SFMBT2: variants seen among roughly 807,000 people sequenced by gnomAD.
SFMBT2 encodes Scm like with four mbt domains 2, also known as scm-like with four MBT domains protein 2.
A neutral mutation model predicts 110.1 loss-of-function variants in SFMBT2; 38 were observed. The observed-to-expected ratio is 0.35, with a 90% CI of 0.27 to 0.45. The LOEUF (loss-of-function observed/expected upper bound fraction) is 0.45. Among genes scored for constraint, SFMBT2 ranks in the 20% least tolerant of loss-of-function variants. The probability of loss-of-function intolerance (pLI) is 1.00; values close to 1 mark genes in which losing one functional copy is unlikely to be tolerated. For missense variants in SFMBT2, 1,011 were observed against 1,094.9 expected (o/e 0.92, Z 1.08); for synonymous variants, 425 against 425.4 (o/e 1.00, Z 0.01).
At chr10:7,305,405 TACC>T (rs1842664556) in intron 4 of SFMBT2, among the ~76,000 whole-genome samples, 1 of 152,226 alleles carries the variant, frequency 6.6e-6, no homozygotes, top group African/African-American at 2.4e-5. Flanking sequence ...ATTAATTAAG[TACC>T]TGTGGGTCCT....
At chr10:7,376,854 C>CAAAAAAA (rs112996489) in intron 2 of SFMBT2, among the ~76,000 whole-genome samples, 1 of 123,612 alleles carries the variant, frequency 8.1e-6, no homozygotes, top group Admixed American at 8.5e-5. Context: ...TGGACAGTGG[C>CAAAAAAA]AAAAAAAAAA....
At chr10:7,365,286 T>C (rs1164740122) in intron 4 of SFMBT2, among the ~76,000 whole-genome samples, 1 of 152,234 alleles carries the variant, frequency 6.6e-6, no homozygotes, top group Non-Finnish European at 1.5e-5. Context: ...ACAGCACTAC[T>C]GGCAGCTCAA....
intron 3 of SFMBT2, among the ~76,000 whole-genome samples, chr10:7,368,545 G>A (rs1319689323): frequency 6.6e-6 from 1 of 152,192 alleles, no homozygotes; most frequent in Admixed American, 6.5e-5. Flanking sequence ...CCTGGCATAC[G>A]GACCTGGGGA....
chr10:7,233,509 T>C (rs966856647), intron 9 of SFMBT2, among the ~76,000 whole-genome samples: 4 of 152,296 alleles, frequency 2.6e-5, no homozygotes. Flanking sequence ...CATGTGTAAA[T>C]AGCAAGCTTA....
chr10:7,262,867 G>T (rs1841252125), intron 7 of SFMBT2, among the ~76,000 whole-genome samples: 1 of 152,096 alleles, frequency 6.6e-6, no homozygotes, highest in Non-Finnish European at 1.5e-5. Context: ...GAATTCATGT[G>T]CTTCAGTTCA....
chr10:7,351,122 G>T (rs1447853205), intron 4 of SFMBT2, among the ~76,000 whole-genome samples: 2 of 152,100 alleles, frequency 1.3e-5, no homozygotes, highest in African/African-American at 4.8e-5. Flanking sequence ...ACATGTGCTG[G>T]GCTTCAAAAT....
At chr10:7,177,666 A>G (rs1430869859) in intron 16 of SFMBT2, among the ~76,000 whole-genome samples, 1 of 152,068 alleles carries the variant, frequency 6.6e-6, no homozygotes, top group Admixed American at 6.5e-5. Context: ...GAGGTTTAAG[A>G]CCAGACTGAG....
intron 4 of SFMBT2, among the ~76,000 whole-genome samples, chr10:7,296,018 T>C (rs147876143): frequency 6.6e-6 from 1 of 152,298 alleles, no homozygotes; most frequent in Non-Finnish European, 1.5e-5. Flanking sequence ...TTTACGACTT[T>C]CTCAAAGCAC....
chr10:7,309,564 C>A (rs1269883440), intron 4 of SFMBT2, among the ~76,000 whole-genome samples: 2 of 152,168 alleles, frequency 1.3e-5, no homozygotes, highest in Non-Finnish European at 2.9e-5. Context: ...AGCTGTCTGT[C>A]CCTCACATTG....
At chr10:7,257,895 G>A (rs1312362524) in intron 7 of SFMBT2, among the ~76,000 whole-genome samples, 1 of 152,122 alleles carries the variant, frequency 6.6e-6, no homozygotes, top group Admixed American at 6.5e-5. Context: ...GGATTTTCAT[G>A]TAAAAACAAA....
chr10:7,174,213 C>G (rs1022542479), intron 17 of SFMBT2, among the ~76,000 whole-genome samples: 1 of 152,194 alleles, frequency 6.6e-6, no homozygotes, highest in Non-Finnish European at 1.5e-5. Context: ...CCGTGTTACT[C>G]AGTGAGCAGG....
At chr10:7,281,035 G>T (rs2131834984) in intron 6 of SFMBT2, among the ~76,000 whole-genome samples, 1 of 152,298 alleles carries the variant, frequency 6.6e-6, no homozygotes, top group Non-Finnish European at 1.5e-5. Context: ...GAGCTCAGGA[G>T]TTCAAGCCCA....
intron 11 of SFMBT2, among the ~76,000 whole-genome samples, chr10:7,210,579 T>G (rs940446015): frequency 6.6e-6 from 1 of 152,226 alleles, no homozygotes; most frequent in African/African-American, 2.4e-5. Flanking sequence ...CCTTGCCTAA[T>G]AAATGTCCCC....
At chr10:7,274,182 C>T (rs1029124336) in intron 7 of SFMBT2, among the ~76,000 whole-genome samples, 1 of 152,188 alleles carries the variant, frequency 6.6e-6, no homozygotes, top group African/African-American at 2.4e-5. Flanking sequence ...GGTAACCCCT[C>T]GTCTTCTTAA....
intron 2 of SFMBT2, among the ~76,000 whole-genome samples, chr10:7,371,920 A>ATTTTTTTTTTTTTTTT (rs762872004): frequency 2.6e-5 from 2 of 77,740 alleles, no homozygotes; most frequent in Non-Finnish European, 4.5e-5. Context: ...TCCACCTGTA[A>ATTTTTTTTTTTTTTTT]TTTTTTTTTT....
At chr10:7,374,784 C>T (rs1025648299) in intron 2 of SFMBT2, among the ~76,000 whole-genome samples, 4 of 152,146 alleles carry the variant, frequency 2.6e-5, no homozygotes, top group Non-Finnish European at 5.9e-5. Flanking sequence ...TTGAACTGTG[C>T]GTTATAACAA....
chr10:7,247,095 T>A (rs1840641492), intron 8 of SFMBT2, among the ~76,000 whole-genome samples: 1 of 152,162 alleles, frequency 6.6e-6, no homozygotes, highest in Non-Finnish European at 1.5e-5. Flanking sequence ...CCTTAAATAT[T>A]TAAAGTTTCT....
chr10:7,400,337 G>C (rs1846039921), intron 1 of SFMBT2, among the ~76,000 whole-genome samples: 1 of 152,192 alleles, frequency 6.6e-6, no homozygotes, highest in Non-Finnish European at 1.5e-5. Flanking sequence ...CAAATCCCAA[G>C]CTTCACCGTA....
chr10:7,345,284 A>G (rs1844073909), intron 4 of SFMBT2, among the ~76,000 whole-genome samples: 1 of 152,224 alleles, frequency 6.6e-6, no homozygotes, highest in African/African-American at 2.4e-5. Context: ...CTTCAAGACC[A>G]TTCTAAATAC....
Sources: allele counts gnomAD v4.1 joint callset (sites outside exome capture counted in the v4.1 genomes callset), GRCh38; gene constraint gnomAD v4.1.1; transcripts MANE v1.5; gene names NCBI Gene and HGNC (gene_info 2026-07-23, HGNC 2026-07-21).